Variants in CAMKMT observed in about 807,000 individuals in gnomAD.
The protein encoded by CAMKMT is calmodulin-lysine N-methyltransferase.
In CAMKMT, 53 loss-of-function variants were observed where a neutral mutation model predicts 48.0. The ratio of observed to expected loss-of-function variants is 1.10; its 90% confidence interval spans 0.89 to 1.39. CAMKMT has a LOEUF of 1.39. CAMKMT is among the 40% of genes most tolerant of loss of function. The probability of loss-of-function intolerance (pLI) is 0.00; values close to 1 mark genes in which losing one functional copy is unlikely to be tolerated. For synonymous variants in CAMKMT, 165 were observed against 152.3 expected (o/e 1.08, Z -0.61); for missense variants, 428 against 402.7 (o/e 1.06, Z -0.54).
intron 3 of CAMKMT, among the ~76,000 whole-genome samples, chr2:44,567,667 TGA>T (rs1208032231): frequency 6.6e-6 from 1 of 152,160 alleles, no homozygotes; most frequent in Non-Finnish European, 1.5e-5. Context: ...GGATGAGAAT[TGA>T]AATAAGATAA....
At chr2:44,521,071 A>G (rs1368845070) in intron 3 of CAMKMT, among the ~76,000 whole-genome samples, 1 of 152,180 alleles carries the variant, frequency 6.6e-6, no homozygotes, top group Non-Finnish European at 1.5e-5. Flanking sequence ...TATCTTCAGC[A>G]TGTACCATGG....
At chr2:44,530,738 G>A (rs1307473955) in intron 3 of CAMKMT, among the ~76,000 whole-genome samples, 1 of 151,922 alleles carries the variant, frequency 6.6e-6, no homozygotes, top group Non-Finnish European at 1.5e-5. Context: ...TATATTAGGG[G>A]GAGGAAAAGG....
At chr2:44,503,438 A>C (rs698828) in intron 3 of CAMKMT, among the ~76,000 whole-genome samples, 95,604 of 151,896 alleles carry the variant, frequency 0.63, 30,620 homozygotes, top group Admixed American at 0.7. Flanking sequence ...ATTACTTTTA[A>C]GTTCTAAGAT....
chr2:44,471,593 C>G (rs1323217485), intron 3 of CAMKMT, among the ~76,000 whole-genome samples: 2 of 152,004 alleles, frequency 1.3e-5, no homozygotes, highest in Non-Finnish European at 2.9e-5. Flanking sequence ...GAGCAAGACC[C>G]TGTCTCAGAA....
chr2:44,701,025 T>A (rs1360800332), intron 3 of CAMKMT, among the ~76,000 whole-genome samples: 1 of 152,234 alleles, frequency 6.6e-6, no homozygotes, highest in Non-Finnish European at 1.5e-5. Context: ...CCACATTTTA[T>A]TTATCCGTTA....
intron 7 of CAMKMT, 143 bp downstream of exon 7, chr2:44,715,496 A>G: frequency 1.6e-6 from 1 of 624,020 alleles, no homozygotes; most frequent in Admixed American, 2.8e-5. Context: ...TACAAGTATT[A>G]TCTCATTTAA....
At chr2:44,564,797 C>T (rs2103708983) in intron 3 of CAMKMT, among the ~76,000 whole-genome samples, 1 of 152,302 alleles carries the variant, frequency 6.6e-6, no homozygotes, top group Non-Finnish European at 1.5e-5. Flanking sequence ...GCTTTGGCCC[C>T]CCAAAGAACT....
intron 7 of CAMKMT, among the ~76,000 whole-genome samples, chr2:44,730,382 TA>T (rs1679018178): frequency 1.3e-5 from 2 of 152,208 alleles, no homozygotes; most frequent in Admixed American, 1.3e-4. Context: ...GGGCCATCGG[TA>T]ATTCTTTTGT....
rs1478326721 is a variant in CAMKMT, at chr2:44,569,832, C to T, written c.377-134451C>T. Among the ~76,000 whole-genome samples the T allele has an allele frequency of 1.3e-5, 2 of 152,144 alleles. 1 individual carries two copies. The highest frequency in any genetic ancestry group is 2.9e-5 in the Non-Finnish European group (2 of 68,024). On this transcript the variant is annotated intron_variant, in intron 3 of 10. Coordinates refer to ENST00000378494, the MANE Select transcript of CAMKMT (RefSeq NM_024766.5). ...TTTTTTCTAGTATAAGGCAAAATGGCATATCAGTCTGATGATGTGGATTTT... is the reference window on the plus strand; with the variant it reads ...TTTTTTCTAGTATAAGGCAAAATGGTATATCAGTCTGATGATGTGGATTTT...
intron 3 of CAMKMT, among the ~76,000 whole-genome samples, chr2:44,570,358 T>C (rs1224469227): frequency 6.6e-6 from 1 of 152,202 alleles, no homozygotes; most frequent in Non-Finnish European, 1.5e-5. Context: ...GATAGATGAA[T>C]AAATCTACTG....
intron 3 of CAMKMT, among the ~76,000 whole-genome samples, chr2:44,423,074 A>T (rs1684037843): frequency 6.6e-6 from 1 of 152,186 alleles, no homozygotes; most frequent in African/African-American, 2.4e-5. Flanking sequence ...ATTCCTCAAG[A>T]GGAATAATAT....
intron 3 of CAMKMT, among the ~76,000 whole-genome samples, chr2:44,616,859 G>A (rs534669814): frequency 6.6e-6 from 1 of 152,262 alleles, no homozygotes; most frequent in East Asian, 1.9e-4. Flanking sequence ...CTGCTTTGAT[G>A]AAGACATTTC....
At chr2:44,676,144 G>T (rs566189920) in intron 3 of CAMKMT, among the ~76,000 whole-genome samples, 1 of 152,292 alleles carries the variant, frequency 6.6e-6, no homozygotes, top group South Asian at 2.1e-4. Flanking sequence ...AGGTTGCACA[G>T]CTTTTCCCTC....
intron 7 of CAMKMT, among the ~76,000 whole-genome samples, chr2:44,722,872 C>G (rs929059312): frequency 6.6e-6 from 1 of 152,026 alleles, no homozygotes; most frequent in Non-Finnish European, 1.5e-5. Flanking sequence ...TAATTAGTAC[C>G]TTTCATTTCA....
chr2:44,673,897 CA>C (rs1201412626), intron 3 of CAMKMT, among the ~76,000 whole-genome samples: 2 of 152,204 alleles, frequency 1.3e-5, no homozygotes, highest in Non-Finnish European at 2.9e-5. Context: ...TCTTTTAGGA[CA>C]CCCAGCCCTC....
intron 3 of CAMKMT, among the ~76,000 whole-genome samples, chr2:44,598,979 T>A (rs575647017): frequency 1.4e-4 from 21 of 152,116 alleles, no homozygotes; most frequent in African/African-American, 5.1e-4. Context: ...CATTTTTGTC[T>A]GTGCAGGGCT....
In CAMKMT at chr2:44,407,006, A is replaced by G. The variant is rs186613603; in HGVS notation, c.376+16701A>G. On this transcript the variant is annotated intron_variant, in intron 3 of 10. Transcript: ENST00000378494. ...TAATTGGATTCCAGACATCGTGTGT[A>G]AAAGGACAGCAGGGACTAAGGTAAT... 1.2e-3 allele frequency among the ~76,000 whole-genome samples: 184 copies of G among 152,316 alleles called. 1 individual carries two copies. Among genetic ancestry groups the G allele is most frequent in the African/African-American group, 4.3e-3 (177 of 41,566 alleles).
chr2:44,470,485 A>G (rs698802), intron 3 of CAMKMT, among the ~76,000 whole-genome samples: 103,896 of 151,954 alleles, frequency 0.68, 35,617 homozygotes, highest in Admixed American at 0.77. Context: ...GAAGGAGTTT[A>G]CAATTTGGAG....
At chr2:44,385,411 A>G (rs1032197713) in intron 2 of CAMKMT, among the ~76,000 whole-genome samples, 3 of 152,164 alleles carry the variant, frequency 2.0e-5, no homozygotes, top group Admixed American at 1.3e-4. Context: ...GAGGTAAACA[A>G]TCATATCATC....
Sources: gnomAD v4.1 joint callset for allele counts (sites outside exome capture counted in the v4.1 genomes callset) on GRCh38, gnomAD v4.1.1 for gene constraint, MANE v1.5 for transcripts, NCBI Gene and HGNC (gene_info 2026-07-23, HGNC 2026-07-21) for gene names.